The following TDRD12 variants were observed in gnomAD, a reference collection of about 807,000 sequenced individuals.
TDRD12 encodes the protein tudor domain containing 12.
A neutral mutation model predicts 133.5 loss-of-function variants in TDRD12; 158 were observed. The ratio of observed to expected loss-of-function variants is 1.18; its 90% CI spans 1.04 to 1.35. TDRD12 has a LOEUF of 1.35. TDRD12 is among the 40% of genes most tolerant of loss of function. The pLI is 0.00. For missense variants in TDRD12, 1,443 were observed against 1,321.3 expected (o/e 1.09, Z -1.43); for synonymous variants, 460 against 477.9 (o/e 0.96, Z 0.49).
At chr19:32,811,187 A>G in intron 23 of TDRD12, 23 bp from the exon 24 acceptor site, 1 of 1,518,308 alleles carries the variant, frequency 6.6e-7, no homozygotes, top group Non-Finnish European at 8.8e-7. Flanking sequence ...TCTGCGTTGA[A>G]CCGATGCCCC....
rs756668790 is a variant in TDRD12, at chr19:32,742,812, C to T, written c.352C>T (p.Leu118Phe). ...AGTTGTAGTAGAATCGTTTATGCAG[C>T]TTCCCTATAGAGCAAAAAAATTCAG... The change falls in exon 4 of 28, where the codon CTT (leucine) becomes TTT (phenylalanine). Residue 118 changes from leucine to phenylalanine, a missense_variant. Physicochemically the swap from Leu to Phe is conservative, Grantham distance 22. Coordinates refer to ENST00000444215, the Ensembl canonical transcript of TDRD12. 3.4e-5 allele frequency: 53 copies of T among 1,551,762 alleles called. No homozygotes were observed. Among genetic ancestry groups the T allele is most frequent in the Non-Finnish European group, 4.6e-5 (53 of 1,147,058 alleles).
rs761530144 is a variant in TDRD12, at chr19:32,790,592, G to T, written c.1182+1G>T. ...TGACGGAATCTCTGATCTCCAGCAGGTATTACAGGCCCTAAAAAAAGTAAA... is the reference window on the plus strand; with the variant it reads ...TGACGGAATCTCTGATCTCCAGCAGTTATTACAGGCCCTAAAAAAAGTAAA... On this transcript the variant is annotated splice_donor_variant, in intron 12 of 27. Transcript: ENST00000444215. LOFTEE classifies it high-confidence loss of function. 1 of 1,551,800 alleles carries T rather than the reference G, an allele frequency of 6.4e-7. No homozygotes were observed. Among genetic ancestry groups the T allele is most frequent in the Non-Finnish European group, 8.7e-7 (1 of 1,147,050 alleles).
downstream of TDRD12, chr19:32,826,149 C>T (rs749807185): frequency 2.0e-5 from 30 of 1,535,636 alleles, 1 homozygote; most frequent in Middle Eastern, 1.7e-4. Context: ...ACTGCACAGC[C>T]GCCTCTGAAA....
At chr19:32,813,615 G>C (rs1306355527) in intron 24 of TDRD12, 69 bp from the exon 25 acceptor site, 13 of 898,438 alleles carry the variant, frequency 1.4e-5, no homozygotes, top group Middle Eastern at 3.0e-4. Flanking sequence ...TTTGCAAACT[G>C]TATGGCATAT....
At chr19:32,820,381 G>A (rs1220294930) in intron 27 of TDRD12, among the ~76,000 whole-genome samples, 2 of 152,208 alleles carry the variant, frequency 1.3e-5, no homozygotes, top group Admixed American at 1.3e-4. Flanking sequence ...GGGGTGAGAG[G>A]AGCTTTTCAG....
chr19:32,721,112 C>G (rs902597969), intron 1 of TDRD12, among the ~76,000 whole-genome samples: 4 of 152,066 alleles, frequency 2.6e-5, no homozygotes, highest in Admixed American at 2.0e-4. Context: ...CTCTGTTGCC[C>G]TATCCGCTCA....
chr19:32,803,917 T>C (rs1344855091), intron 21 of TDRD12, among the ~76,000 whole-genome samples: 3 of 152,114 alleles, frequency 2.0e-5, no homozygotes, highest in Non-Finnish European at 2.9e-5. Context: ...GTGTTTATCT[T>C]TTTCTTCTTG....
chr19:32,747,777 G>A (rs1166273896), intron 4 of TDRD12, among the ~76,000 whole-genome samples: 1 of 152,130 alleles, frequency 6.6e-6, no homozygotes, highest in Admixed American at 6.6e-5. Context: ...GGGAGGCCAA[G>A]GCAGGAGAAT....
intron 10 of TDRD12, among the ~76,000 whole-genome samples, chr19:32,774,825 A>AT (rs1970535364): frequency 6.6e-6 from 1 of 152,082 alleles, no homozygotes; most frequent in Non-Finnish European, 1.5e-5. Flanking sequence ...TCTACTGAAA[A>AT]TAAAAAAAAG....
intron 2 of TDRD12, among the ~76,000 whole-genome samples, chr19:32,732,581 C>T (rs867144027): frequency 2.6e-5 from 4 of 152,342 alleles, no homozygotes; most frequent in Middle Eastern, 3.4e-3. Flanking sequence ...CCTTACTCCA[C>T]GCCGTGGCCC....
chr19:32,796,968 AAG>A (rs1971245954), intron 14 of TDRD12, among the ~76,000 whole-genome samples: 1 of 150,684 alleles, frequency 6.6e-6, no homozygotes, highest in Non-Finnish European at 1.5e-5. Flanking sequence ...TGTCCTAAGG[AAG>A]AGAGGTTCGT....
chr19:32,722,778 C>G (rs1404598652), intron 1 of TDRD12, among the ~76,000 whole-genome samples: 1 of 151,010 alleles, frequency 6.6e-6, no homozygotes. Context: ...CTCCCGAGTT[C>G]AAGCGATTCT....
In TDRD12 at chr19:32,795,100, C is replaced by T. The variant is rs139735856; in HGVS notation, c.1473+287C>T. Among the ~76,000 whole-genome samples the T allele has an allele frequency of 4.1e-3, 626 of 151,940 alleles. 4 individuals carry two copies. The highest frequency in any genetic ancestry group is 7.3e-3 in the Non-Finnish European group (498 of 67,938). Reference sequence around the variant, plus strand: ...CTGTAATCCCAGCACTTTGGGAGGCCGAGGCGAGTGGATCATCTGAGGTCA... The same window carrying T: ...CTGTAATCCCAGCACTTTGGGAGGCTGAGGCGAGTGGATCATCTGAGGTCA... On this transcript the variant is annotated intron_variant, in intron 14 of 27. Coordinates refer to ENST00000444215, the Ensembl canonical transcript of TDRD12.
chr19:32,811,389 C>T, exon 24 of TDRD12: 1 of 1,536,124 alleles, frequency 6.5e-7, no homozygotes, highest in Non-Finnish European at 8.7e-7. Context: ...AGGGTGAAAC[C>T]TGCTGACAAC....
intron 11 of TDRD12, among the ~76,000 whole-genome samples, chr19:32,778,038 T>C (rs560303644): frequency 2.6e-5 from 4 of 151,496 alleles, no homozygotes; most frequent in African/African-American, 9.7e-5. Flanking sequence ...TTTTACCATA[T>C]TGGCCTCAAC....
At chr19:32,776,105 G>A (rs1368428400) in intron 10 of TDRD12, among the ~76,000 whole-genome samples, 1 of 152,110 alleles carries the variant, frequency 6.6e-6, no homozygotes, top group Non-Finnish European at 1.5e-5. Context: ...CTTGTGTTGG[G>A]TCATGAACCA....
intron 9 of TDRD12, among the ~76,000 whole-genome samples, chr19:32,773,067 C>T (rs1371555115): frequency 6.6e-6 from 1 of 152,150 alleles, no homozygotes; most frequent in Non-Finnish European, 1.5e-5. Context: ...TGTTCTCGGC[C>T]TAGTTTTCTT....
exon 24 of TDRD12, chr19:32,811,315 G>A: frequency 6.5e-7 from 1 of 1,536,122 alleles, no homozygotes; most frequent in Non-Finnish European, 8.7e-7. Flanking sequence ...CAAGGGACCA[G>A]CTGCTGCATC....
chr19:32,731,662 T>C, intron 1 of TDRD12, 63 bp from the exon 2 acceptor site: 2 of 1,386,568 alleles, frequency 1.4e-6, no homozygotes, highest in South Asian at 1.6e-5. Flanking sequence ...GGCTCTAAAG[T>C]TTATTTTGTG....
Sources: allele counts gnomAD v4.1 joint callset (sites outside exome capture counted in the v4.1 genomes callset), GRCh38; gene constraint gnomAD v4.1.1; transcripts MANE v1.5; gene names NCBI Gene and HGNC (gene_info 2026-07-23, HGNC 2026-07-21).